WDPCP: variants seen among roughly 807,000 people sequenced by gnomAD.
The protein encoded by WDPCP is WD repeat containing planar cell polarity effector, also known as WD repeat-containing and planar cell polarity effector protein fritz homolog.
A neutral mutation model predicts 93.1 loss-of-function variants in WDPCP; 71 were observed. That is an observed-to-expected ratio of 0.76 (90% CI 0.63 to 0.93). The LOEUF is 0.93. WDPCP is among the 40% of genes least tolerant of loss of function. The probability of loss-of-function intolerance (pLI) is 0.00; values close to 1 mark genes in which losing one functional copy is unlikely to be tolerated. For synonymous variants in WDPCP, 315 were observed against 315.0 expected (o/e 1.00, Z 0.00); for missense variants, 844 against 887.4 (o/e 0.95, Z 0.62).
chr2:63,786,735 A>G (rs561000469), intron 2 of WDPCP, among the ~76,000 whole-genome samples: 1 of 152,346 alleles, frequency 6.6e-6, no homozygotes, highest in Non-Finnish European at 1.5e-5. Flanking sequence ...ACAGACTGCA[A>G]AAAATCCAAA....
intron 2 of WDPCP, among the ~76,000 whole-genome samples, chr2:63,788,640 G>A (rs1304978868): frequency 6.6e-6 from 1 of 151,922 alleles, no homozygotes; most frequent in Non-Finnish European, 1.5e-5. Context: ...TTTACCAAGA[G>A]AAACAAACTG....
chr2:63,136,731 G>A (rs1670646729), intron 17 of WDPCP, among the ~76,000 whole-genome samples: 1 of 151,890 alleles, frequency 6.6e-6, no homozygotes, highest in Non-Finnish European at 1.5e-5. Context: ...CCTCCAATAG[G>A]CCTCATGGTC....
chr2:63,395,149 A>G (rs1486291755), intron 10 of WDPCP, among the ~76,000 whole-genome samples: 2 of 152,228 alleles, frequency 1.3e-5, no homozygotes, highest in African/African-American at 4.8e-5. Flanking sequence ...ATGCTGAGCA[A>G]AAGTACCAAG....
chr2:63,296,542 A>C (rs1483179202), intron 13 of WDPCP, among the ~76,000 whole-genome samples: 2 of 152,202 alleles, frequency 1.3e-5, no homozygotes, highest in African/African-American at 2.4e-5. Context: ...ATACCAAGAA[A>C]ATCCTAAAGA....
intron 14 of WDPCP, among the ~76,000 whole-genome samples, chr2:63,242,746 C>T (rs1327428122): frequency 6.6e-6 from 1 of 152,142 alleles, no homozygotes; most frequent in Non-Finnish European, 1.5e-5. Flanking sequence ...CCCAGACTTT[C>T]TTATGGTTAG....
intron 6 of WDPCP, among the ~76,000 whole-genome samples, chr2:63,479,272 T>A (rs1167357449): frequency 1.3e-5 from 2 of 152,116 alleles, no homozygotes; most frequent in African/African-American, 4.8e-5. Context: ...AAAGAAGAAT[T>A]GGTATCAATC....
intron 1 of WDPCP, among the ~76,000 whole-genome samples, chr2:63,826,740 CA>C (rs1671118789): frequency 6.6e-6 from 1 of 152,032 alleles, no homozygotes; most frequent in African/African-American, 2.4e-5. Flanking sequence ...GCATGTTCAC[CA>C]AATAGCATCC....
intron 12 of WDPCP, among the ~76,000 whole-genome samples, chr2:63,351,064 C>G (rs1689573782): frequency 6.6e-6 from 1 of 152,014 alleles, no homozygotes; most frequent in South Asian, 2.1e-4. Context: ...TCACTGCAAC[C>G]TCCACCTCCT....
At chr2:63,137,306 TTC>T (rs1670691508) in intron 17 of WDPCP, among the ~76,000 whole-genome samples, 1 of 152,190 alleles carries the variant, frequency 6.6e-6, no homozygotes, top group Non-Finnish European at 1.5e-5. Flanking sequence ...TGATTTGCAT[TTC>T]TCTGATGATC....
chr2:63,506,618 A>G (rs1701891357), intron 1 of WDPCP, among the ~76,000 whole-genome samples: 1 of 152,084 alleles, frequency 6.6e-6, no homozygotes, highest in Admixed American at 6.6e-5. Flanking sequence ...GAACCCTAGA[A>G]AAGCTCAGAA....
At chr2:63,837,755 C>A in the WDPCP span, among the ~76,000 whole-genome samples, 80 of 152,318 alleles carry the variant, frequency 5.3e-4, no homozygotes, top group African/African-American at 1.5e-3. Flanking sequence ...ATAACTGAAA[C>A]TTAAAAAACG....
At chr2:63,775,079 T>C (rs928327987) in intron 2 of WDPCP, among the ~76,000 whole-genome samples, 1 of 152,180 alleles carries the variant, frequency 6.6e-6, no homozygotes, top group African/African-American at 2.4e-5. Context: ...ATAAAGTATA[T>C]ATTCAACAAG....
At chr2:63,731,338 CATA>C (rs1356222839) in intron 2 of WDPCP, among the ~76,000 whole-genome samples, 2 of 150,816 alleles carry the variant, frequency 1.3e-5, no homozygotes, top group African/African-American at 2.4e-5. Context: ...TTTATTAACT[CATA>C]GTAGTGCAGT....
At chr2:63,382,151 A>G in intron 10 of WDPCP, 57 bp from the exon 11 acceptor site, 1 of 1,529,332 alleles carries the variant, frequency 6.5e-7, no homozygotes, top group Non-Finnish European at 8.8e-7. Flanking sequence ...GAATAACAAA[A>G]AGAGTTAATT....
intron 2 of WDPCP, among the ~76,000 whole-genome samples, chr2:63,487,816 A>G (rs960153001): frequency 2.6e-5 from 4 of 152,106 alleles, no homozygotes; most frequent in Non-Finnish European, 1.5e-5. Flanking sequence ...ACAGGGTTCT[A>G]CCAAAAGGAA....
chr2:63,710,434 T>C (rs763076061), intron 2 of WDPCP, among the ~76,000 whole-genome samples: 2 of 152,196 alleles, frequency 1.3e-5, no homozygotes, highest in Admixed American at 6.5e-5. Flanking sequence ...AAATTCCAGA[T>C]ACTATATGCT....
rs867076462 is a variant in WDPCP, at chr2:63,411,783, G to A, written c.826-7126C>T. Among the ~76,000 whole-genome samples the A allele has an allele frequency of 4.6e-5, 7 of 152,176 alleles. No individual in the cohort carries two copies. The South Asian group carries it at 1.2e-3, about 27-fold the overall frequency. Reference sequence around the variant, plus strand: ...CACATAAACTAGAAAACCTAGAATAGAGGGAAAAATTCCTGGAAAAATACA... The same window carrying A: ...CACATAAACTAGAAAACCTAGAATAAAGGGAAAAATTCCTGGAAAAATACA... On this transcript the variant is annotated intron_variant, in intron 9 of 17. Coordinates refer to ENST00000272321, the MANE Select transcript of WDPCP (RefSeq NM_015910.7).
chr2:63,424,004 A>C (rs1482619617), intron 9 of WDPCP, among the ~76,000 whole-genome samples: 1 of 152,114 alleles, frequency 6.6e-6, no homozygotes, highest in African/African-American at 2.4e-5. Flanking sequence ...AAGATGGAAG[A>C]AACTAGGAAC....
chr2:63,292,132 CAAA>C (rs58370764), intron 13 of WDPCP, among the ~76,000 whole-genome samples: 1,629 of 83,408 alleles, frequency 0.02, 23 homozygotes, highest in African/African-American at 0.072. Flanking sequence ...GACTCCGGCT[CAAA>C]AAAAAAAAAA....
Sources: allele counts gnomAD v4.1 joint callset (sites outside exome capture counted in the v4.1 genomes callset), GRCh38; gene constraint gnomAD v4.1.1; transcripts MANE v1.5; gene names NCBI Gene and HGNC (gene_info 2026-07-23, HGNC 2026-07-21).